OVCH2: variants seen among roughly 807,000 people sequenced by gnomAD.
The protein encoded by OVCH2 is ovochymase-2.
In OVCH2, 88 loss-of-function variants were observed where a neutral mutation model predicts 73.7. The ratio of observed to expected loss-of-function variants is 1.19; its 90% CI spans 1.01 to 1.43. The LOEUF (loss-of-function observed/expected upper bound fraction) is 1.43. Ranked by LOEUF, OVCH2 falls within the 40% of genes most tolerant of loss-of-function variation. The pLI is 0.00. For synonymous variants in OVCH2, 265 were observed against 234.5 expected (o/e 1.13, Z -1.19); for missense variants, 706 against 674.5 (o/e 1.05, Z -0.52).
At chr11:7,704,734 T>G in intron 1 of OVCH2, 60 bp from the exon 2 acceptor site, 2 of 1,148,904 alleles carry the variant, frequency 1.7e-6, no homozygotes, top group South Asian at 1.4e-5. Flanking sequence ...AGGTAATATC[T>G]TCTCCATTTC....
At chr11:7,696,160 G>C (rs528650454) in intron 10 of OVCH2, among the ~76,000 whole-genome samples, 1 of 152,206 alleles carries the variant, frequency 6.6e-6, no homozygotes, top group South Asian at 2.1e-4. Context: ...GCAGTGAGCT[G>C]TCTGGACATC....
At position 7,689,609 on chromosome 11, in the gene OVCH2, A is replaced by C; in HGVS notation, c.*32-7T>G. 2.1e-6 allele frequency: 1 copy of C among 479,302 alleles called. No homozygotes were observed. Among genetic ancestry groups the C allele is most frequent in the Non-Finnish European group, 4.1e-6 (1 of 242,720 alleles). The allele number at this position is 479,302 out of a possible 1,614,324, so 29.7% of individuals were successfully genotyped here. On this transcript the variant is annotated splice_region_variant and splice_polypyrimidine_tract_variant and intron_variant, in intron 15 of 15. Transcript: ENST00000533663. The stretch of plus-strand genomic sequence containing the variant: ...GTCACTGGTGCCCCTTGGCCTGTAG[A>C]TAATGTATTGCCCCAACCTCTGCCT...
At chr11:7,696,974 C>A (rs1031768470) in intron 8 of OVCH2, 175 bp from the exon 9 acceptor site, 2 of 600,838 alleles carry the variant, frequency 3.3e-6, no homozygotes, top group Non-Finnish European at 2.9e-6. Flanking sequence ...CCTTTTAGAT[C>A]CTGCTTAACC....
At chr11:7,682,615 G>A in the OVCH2 span, among the ~76,000 whole-genome samples, 11 of 152,308 alleles carry the variant, frequency 7.2e-5, no homozygotes, top group South Asian at 2.1e-3. Context: ...CTGACTAAAT[G>A]CTCCTTTTGT....
the OVCH2 span, among the ~76,000 whole-genome samples, chr11:7,681,134 G>A: frequency 1.2e-4 from 18 of 152,202 alleles, no homozygotes; most frequent in African/African-American, 4.1e-4. Context: ...CGGAGGACTA[G>A]TACAGTTGAC....
rs1377297038 is a variant in OVCH2, at chr11:7,704,610, G to A, written c.153C>T (p.Arg51=). 1 of 1,612,888 alleles carries A rather than the reference G, an allele frequency of 6.2e-7. No individual in the cohort carries two copies. The highest frequency in any genetic ancestry group is 8.5e-7 in the Non-Finnish European group (1 of 1,179,436). The change falls in exon 2 of 16, where the codon CGC becomes CGT. Residue 51 remains arginine, a synonymous_variant. Transcript: ENST00000533663. ...TCTCCACTTGGCTTCCTCCAAGAATGCGACTGAAAATGTTAAAATAATTCC... is the reference window on the plus strand; with the variant it reads ...TCTCCACTTGGCTTCCTCCAAGAATACGACTGAAAATGTTAAAATAATTCC... ...QPWNYFNIFS[R]ILGGSQVEKG...
At chr11:7,695,007 A>G in intron 12 of OVCH2, 51 bp downstream of exon 12, 1 of 1,525,696 alleles carries the variant, frequency 6.6e-7, no homozygotes, top group Non-Finnish European at 8.8e-7. Flanking sequence ...TGCTTATGTT[A>G]GCTATTCTGT....
In OVCH2 at chr11:7,695,035, G is replaced by A. The variant is rs80197536; in HGVS notation, c.1413+23C>T. The A allele has an allele frequency of 3.2e-3, 5,018 of 1,544,596 alleles. 129 individuals are homozygous for A. The African/African-American group carries it at 0.06, about 18-fold the overall frequency. On this transcript the variant is annotated intron_variant, in intron 12 of 15. Transcript: ENST00000533663. ...TATTCTGTGAATTTACCATAGCTAC[G>A]TAAGGACAGCCAAAGTCAATACCTT...
rs1012760301 is a variant in OVCH2, at chr11:7,706,171, G to A, written c.88+136C>T. The A allele has an allele frequency of 2.2e-5, 21 of 936,338 alleles. No individual in the cohort carries two copies. The African/African-American group carries it at 3.5e-4, about 16-fold the overall frequency. 58.0% of individuals were successfully genotyped at this position (936,338 alleles called of 1,614,324 possible). A position where few individuals can be genotyped will look rare whatever the true frequency, so the allele number is the denominator to read the frequency against. On this transcript the variant is annotated intron_variant, in intron 1 of 15. Transcript: ENST00000533663. Reference sequence around the variant, plus strand: ...TGCAGGAGATAAGTCCAAAATAATTGTTTAAAAACAATTAGATATCCAAAA... The same window carrying A: ...TGCAGGAGATAAGTCCAAAATAATTATTTAAAAACAATTAGATATCCAAAA...
At chr11:7,689,646 C>G in intron 15 of OVCH2, 44 bp from the exon 16 acceptor site, 12 of 520,788 alleles carry the variant, frequency 2.3e-5, no homozygotes, top group East Asian at 5.0e-5. Context: ...CATCATTACA[C>G]GATATTCTCC....
At position 7,695,419 on chromosome 11, in the gene OVCH2, G is replaced by A. The variant is rs184247224; in HGVS notation, c.1282+151C>T. On this transcript the variant is annotated intron_variant, in intron 11 of 15. Coordinates refer to ENST00000533663, the MANE Select transcript of OVCH2 (RefSeq NM_198185.7). ...TGAACTCAGGGTTGAGGGGGAGACT[G>A]CCCCCTGTTCTCTAGTTGGCCTGTG... The A allele has an allele frequency of 1.1e-5, 10 of 921,114 alleles. No homozygotes were observed. The African/African-American group carries it at 1.5e-4, about 14-fold the overall frequency. 57.1% of individuals were successfully genotyped at this position (921,114 alleles called of 1,614,324 possible).
intron 11 of OVCH2, 75 bp downstream of exon 11, chr11:7,695,495 C>T (rs1856312676): frequency 7.1e-7 from 1 of 1,402,236 alleles, no homozygotes. Flanking sequence ...ATCCCTGCCA[C>T]TCACCTAATT....
chr11:7,696,740 C>T lies in OVCH2; in HGVS notation c.985G>A (p.Glu329Lys). The change falls in exon 9 of 16, where the codon GAA becomes AAA. Residue 329 changes from glutamate (E) to lysine (K), a missense_variant. Glu to Lys is a moderately conservative substitution (Grantham distance 56). Transcript: ENST00000533663. Reference protein sequence around the residue: ...SGAEGKLHFPESLHLYYESKQ... With the variant: ...SGAEGKLHFPKSLHLYYESKQ... ...CTCTCATAATATAGGTGGAGGCTTT[C>T]TGGGAAGTGCAGCTTCCCCTCAGCC... The T allele has an allele frequency of 6.2e-7, 1 of 1,613,382 alleles. No individual in the cohort carries two copies. Among genetic ancestry groups the T allele is most frequent in the Non-Finnish European group, 8.5e-7 (1 of 1,179,670 alleles).
At chr11:7,687,308 A>AATAATAATAAT (rs1565164515), downstream of OVCH2, among the ~76,000 whole-genome samples, 225 of 132,506 alleles carry the variant, frequency 1.7e-3, no homozygotes, top group African/African-American at 4.2e-3. Flanking sequence ...ATGGCTGTGG[A>AATAATAATAAT]AATAATAATA....
the OVCH2 span, among the ~76,000 whole-genome samples, chr11:7,681,494 G>C: frequency 6.6e-6 from 1 of 152,212 alleles, no homozygotes; most frequent in Non-Finnish European, 1.5e-5. Context: ...GAATTTGCTA[G>C]AAATAGTGTG....
At chr11:7,701,900 TA>T in intron 4 of OVCH2, 89 bp from the exon 5 acceptor site, 1 of 1,140,376 alleles carries the variant, frequency 8.8e-7, no homozygotes, top group Non-Finnish European at 1.3e-6. Flanking sequence ...GGTGGTCCCC[TA>T]AAGACCTCAT....
chr11:7,687,673 C>G (rs1483547836), downstream of OVCH2, among the ~76,000 whole-genome samples: 1 of 152,132 alleles, frequency 6.6e-6, no homozygotes, highest in East Asian at 1.9e-4. Flanking sequence ...TTACTAGATT[C>G]TGTCCAGCAT....
At chr11:7,701,682 C>G in intron 5 of OVCH2, 34 bp downstream of exon 5, 2 of 1,587,928 alleles carry the variant, frequency 1.3e-6, no homozygotes, top group Non-Finnish European at 1.7e-6. Context: ...AAGTTCTGAC[C>G]TCTGCTTAAG....
chr11:7,680,305 G>T, the OVCH2 span, among the ~76,000 whole-genome samples: 1 of 152,226 alleles, frequency 6.6e-6, no homozygotes, highest in Non-Finnish European at 1.5e-5. Flanking sequence ...GTCTACTGGA[G>T]AATTGCTCAC....
Sources: gnomAD v4.1 joint callset for allele counts (sites outside exome capture counted in the v4.1 genomes callset) on GRCh38, gnomAD v4.1.1 for gene constraint, MANE v1.5 for transcripts, NCBI Gene and HGNC (gene_info 2026-07-23, HGNC 2026-07-21) for gene names.